The following FAM222B variants were observed in gnomAD, a reference collection of about 807,000 sequenced individuals.
The protein encoded by FAM222B is family with sequence similarity 222 member B.
FAM222B carries 12 observed loss-of-function variants against 38.0 expected under a neutral mutation model. The observed-to-expected ratio is 0.32, with a 90% CI of 0.20 to 0.51. The LOEUF (loss-of-function observed/expected upper bound fraction) is 0.51, where lower values mean the gene tolerates loss of function less well. Among genes scored for constraint, FAM222B ranks in the 20% least tolerant of loss-of-function variants. FAM222B has a pLI of 0.97. For synonymous variants in FAM222B, 329 were observed against 317.2 expected, an observed-to-expected ratio of 1.04 and a Z score of -0.40; for missense variants, 716 against 754.2, an observed-to-expected ratio of 0.95 and a Z score of 0.59.
intron 1 of FAM222B, among the ~76,000 whole-genome samples, chr17:28,790,055 C>T (rs1056491588): frequency 3.3e-5 from 5 of 152,096 alleles, no homozygotes; most frequent in Non-Finnish European, 7.4e-5. Flanking sequence ...ATTATTTGGG[C>T]ATTTTTATGA....
Position 28,758,483 on chromosome 17 carries a change from C to T in FAM222B, c.1476G>A (p.Gly492=), listed in dbSNP as rs774604833. The change falls in exon 3 of 3, where the codon GGG becomes GGA. Residue 492 remains glycine, a synonymous_variant. Transcript: ENST00000581407. ...CCCCGGTCCCTGCTCGGTAGTGGGCCCCGGGAGCTGCCGCACAGTCGAGGG... is the reference window on the plus strand; with the variant it reads ...CCCCGGTCCCTGCTCGGTAGTGGGCTCCGGGAGCTGCCGCACAGTCGAGGG... ...GAPLDCAAAP[G]AHYRAGTGGG... The T allele has an allele frequency of 1.2e-6, 2 of 1,613,006 alleles. No individual in the cohort carries two copies. Among genetic ancestry groups the T allele is most frequent in the Admixed American group, 1.7e-5 (1 of 59,974 alleles).
rs534673279 is a variant in FAM222B, at chr17:28,826,655, T to A, written c.-41+16027A>T. On this transcript the variant is annotated intron_variant, in intron 1 of 2. Coordinates refer to ENST00000581407, the MANE Select transcript of FAM222B (RefSeq NM_001077498.3). ...AAGATGGCGCCATTGCACTCCAGCC[T>A]GGGCAACAAGAGCAGAACTCCGTCT... Among the ~76,000 whole-genome samples the A allele has an allele frequency of 6.1e-5, 8 of 131,724 alleles. No individual in the cohort carries two copies. The East Asian group carries it at 1.5e-3, about 25-fold the overall frequency. The allele number at this position is 131,724 out of a possible 152,430, so 86.4% of individuals were successfully genotyped here. A position where few individuals can be genotyped will look rare whatever the true frequency, so the allele number is the denominator to read the frequency against.
intron 1 of FAM222B, among the ~76,000 whole-genome samples, chr17:28,803,825 C>CA (rs1387928526): frequency 6.6e-6 from 1 of 151,400 alleles, no homozygotes; most frequent in Non-Finnish European, 1.5e-5. Flanking sequence ...TAAAAAAATA[C>CA]AAAAAAATTA....
chr17:28,777,541 C>T (rs1467521943), intron 1 of FAM222B, among the ~76,000 whole-genome samples: 1 of 152,206 alleles, frequency 6.6e-6, no homozygotes, highest in East Asian at 1.9e-4. Context: ...CCTAAGACCA[C>T]AGCCTGTCTC....
chr17:28,796,994 C>CTTTTTT (rs34242589), intron 1 of FAM222B, among the ~76,000 whole-genome samples: 51 of 81,590 alleles, frequency 6.3e-4, no homozygotes, highest in Non-Finnish European at 9.1e-4. Context: ...GTGGCTATTG[C>CTTTTTT]TTTTTTTTTT....
At chr17:28,808,836 A>C (rs759328803) in intron 1 of FAM222B, among the ~76,000 whole-genome samples, 2 of 152,182 alleles carry the variant, frequency 1.3e-5, no homozygotes, top group Non-Finnish European at 2.9e-5. Flanking sequence ...TGTGCCTCTA[A>C]TATTTTCTCA....
rs1000340552 is a variant in FAM222B, at chr17:28,849,177, C to T, written c.-41+5773G>A. The T allele has an allele frequency of 5.3e-5, 8 of 150,710 alleles. No homozygotes were observed. In the Admixed American group the frequency reaches 5.3e-4, roughly 10 times the overall value. 9.3% of individuals were successfully genotyped at this position (150,710 alleles called of 1,614,324 possible). On this transcript the variant is annotated intron_variant, in intron 1 of 2. Coordinates refer to the FAM222B transcript ENST00000577513. ...TGGGGAGGCTGAGGCAGGAGAATGGCGAGAACCCGGGAAGCGGAGCTTGCA... is the reference window on the plus strand; with the variant it reads ...TGGGGAGGCTGAGGCAGGAGAATGGTGAGAACCCGGGAAGCGGAGCTTGCA...
At chr17:28,854,675 C>G (rs2039213177) in intron 1 of FAM222B, among the ~76,000 whole-genome samples, 1 of 152,210 alleles carries the variant, frequency 6.6e-6, no homozygotes, top group Non-Finnish European at 1.5e-5. Flanking sequence ...CCCCCTCCCA[C>G]TCCCACAACC....
intron 1 of FAM222B, among the ~76,000 whole-genome samples, chr17:28,817,412 CAA>C (rs34394358): frequency 4.4e-5 from 6 of 136,502 alleles, no homozygotes; most frequent in African/African-American, 8.2e-5. Flanking sequence ...GACTCTGTCT[CAA>C]AAAAAAAAAA....
intron 1 of FAM222B, among the ~76,000 whole-genome samples, chr17:28,817,657 T>A (rs1336651043): frequency 6.6e-6 from 1 of 152,094 alleles, no homozygotes; most frequent in Non-Finnish European, 1.5e-5. Flanking sequence ...AGGCAGAGGT[T>A]GCAGTGAGCT....
chr17:28,806,625 GT>G lies in FAM222B; in HGVS notation c.-41+36056del, dbSNP rs1363252349. On this transcript the variant is annotated intron_variant, in intron 1 of 2. Transcript: ENST00000581407. ...CAAAACAAAATAAAATCACCTTCAA[GT>G]TGGTCTTTTCTTAACAACTTTATTT... Among the ~76,000 whole-genome samples, 19 of 152,254 alleles carry G rather than the reference GT, an allele frequency of 1.2e-4. No homozygotes were observed. In the East Asian group the frequency reaches 2.9e-3, roughly 23 times the overall value.
chr17:28,767,359 T>C (rs1264831622), intron 1 of FAM222B, among the ~76,000 whole-genome samples: 2 of 152,210 alleles, frequency 1.3e-5, no homozygotes, highest in African/African-American at 4.8e-5. Context: ...GGTTTCACCA[T>C]GTTGGCCAGG....
chr17:28,843,923 T>G (rs1030379178), upstream of FAM222B, among the ~76,000 whole-genome samples: 16 of 152,204 alleles, frequency 1.1e-4, no homozygotes, highest in African/African-American at 2.2e-4. Context: ...AAGTTCAGTA[T>G]GTTTATCAAG....
chr17:28,843,695 GC>G (rs2039115251), upstream of FAM222B, among the ~76,000 whole-genome samples: 2 of 152,086 alleles, frequency 1.3e-5, no homozygotes, highest in South Asian at 2.1e-4. Context: ...TGATTCGCCC[GC>G]CCCGGCCTCC....
intron 1 of FAM222B, among the ~76,000 whole-genome samples, chr17:28,783,887 C>T (rs2036274490): frequency 6.6e-6 from 1 of 152,034 alleles, no homozygotes. Flanking sequence ...CAACCTCTTC[C>T]TCCTGGGTTC....
At chr17:28,804,321 T>C (rs1160628512) in intron 1 of FAM222B, among the ~76,000 whole-genome samples, 1 of 151,928 alleles carries the variant, frequency 6.6e-6, no homozygotes, top group Non-Finnish European at 1.5e-5. Flanking sequence ...GTTGTTTCTC[T>C]GGAGAATGCT....
Position 28,759,764 on chromosome 17 carries a change from A to C in FAM222B, c.195T>G (p.Ser65Arg). 6.2e-7 allele frequency: 1 copy of C among 1,613,512 alleles called. No homozygotes were observed. The highest frequency in any genetic ancestry group is 8.5e-7 in the Non-Finnish European group (1 of 1,179,704). The change falls in exon 3 of 3, where the codon AGT (serine) becomes AGG (arginine). Residue 65 changes from serine to arginine, a missense_variant. Ser to Arg is a moderately radical substitution (Grantham distance 110). Transcript: ENST00000581407. This position sits in a 1 kb window ranked among gnomAD's most constrained non-coding sequence, Gnocchi z 4.8. ...NPLTIKIFPN[S>R]VKVPQRKHVR... ...CGTGTTTCCGCTGGGGAACCTTCAC[A>C]CTGTTGGGGAAGATTTTTATAGTCA...
At chr17:28,790,825 A>G (rs2036628467) in intron 1 of FAM222B, among the ~76,000 whole-genome samples, 1 of 151,324 alleles carries the variant, frequency 6.6e-6, no homozygotes, top group Non-Finnish European at 1.5e-5. Flanking sequence ...AAATGATTGA[A>G]AGAAAAAAAA....
intron 1 of FAM222B, among the ~76,000 whole-genome samples, chr17:28,783,525 T>G (rs536548106): frequency 6.6e-6 from 1 of 152,108 alleles, no homozygotes; most frequent in Non-Finnish European, 1.5e-5. Flanking sequence ...TTTTTTTTTT[T>G]TTTTTTAAAC....
Sources: gnomAD v4.1 joint callset for allele counts (sites outside exome capture counted in the v4.1 genomes callset) on GRCh38, gnomAD v4.1.1 for gene constraint, Gnocchi (gnomAD v3.1) non-coding constraint, MANE v1.5 for transcripts, NCBI Gene and HGNC (gene_info 2026-07-23, HGNC 2026-07-21) for gene names.